CTNNA2: variants seen among roughly 807,000 people sequenced by gnomAD.
The protein encoded by CTNNA2 is catenin alpha 2.
Under a neutral mutation model 101.0 loss-of-function variants are expected in CTNNA2, and 42 were observed. That is an observed-to-expected ratio of 0.42 (90% CI 0.32 to 0.54). CTNNA2 has a LOEUF of 0.54. CTNNA2 is among the 20% of genes least tolerant of loss of function. CTNNA2 has a pLI of 0.14. For missense variants in CTNNA2, 871 were observed against 1,223.1 expected, an observed-to-expected ratio of 0.71 and a Z score of 4.29; for synonymous variants, 450 against 456.4, an observed-to-expected ratio of 0.99 and a Z score of 0.18.
At chr2:80,592,374 G>A (rs986480877) in intron 15 of CTNNA2, among the ~76,000 whole-genome samples, 4 of 152,076 alleles carry the variant, frequency 2.6e-5, no homozygotes, top group Non-Finnish European at 5.9e-5. Context: ...CAAAAGTTTC[G>A]TTAGTTCCTG....
At chr2:79,726,423 G>C (rs1686842569) in intron 2 of CTNNA2, among the ~76,000 whole-genome samples, 1 of 152,138 alleles carries the variant, frequency 6.6e-6, no homozygotes, top group Non-Finnish European at 1.5e-5. Context: ...GTTACCACCT[G>C]AGCTCCGCCT....
chr2:79,501,965 C>CTT (rs59130555), intron 4 of CTNNA2, among the ~76,000 whole-genome samples: 9,305 of 128,654 alleles, frequency 0.072, 424 homozygotes, highest in Non-Finnish European at 0.1. Context: ...GGATATTAGT[C>CTT]TTTTTTTTTT....
chr2:79,421,082 C>T (rs537918047), intron 4 of CTNNA2, among the ~76,000 whole-genome samples: 1 of 152,298 alleles, frequency 6.6e-6, no homozygotes, highest in South Asian at 2.1e-4. Context: ...GCCATCCCTT[C>T]CTTATCCCCT....
chr2:79,783,357 T>A (rs1674598587), intron 3 of CTNNA2, among the ~76,000 whole-genome samples: 1 of 152,192 alleles, frequency 6.6e-6, no homozygotes, highest in African/African-American at 2.4e-5. Flanking sequence ...TATATCTAGT[T>A]AGCAGAAGTG....
At chr2:79,935,101 A>G (rs958657227) in intron 7 of CTNNA2, among the ~76,000 whole-genome samples, 6 of 152,206 alleles carry the variant, frequency 3.9e-5, no homozygotes, top group Admixed American at 3.9e-4. Context: ...ATGAATAATA[A>G]CAACAATGAA....
chr2:79,871,789 A>T (rs72918615), intron 5 of CTNNA2, among the ~76,000 whole-genome samples: 4 of 152,308 alleles, frequency 2.6e-5, no homozygotes, highest in Admixed American at 1.3e-4. Context: ...TGAGATATCC[A>T]CATTGAAACA....
At chr2:79,935,679 C>A (rs1195767116) in intron 7 of CTNNA2, among the ~76,000 whole-genome samples, 7 of 152,146 alleles carry the variant, frequency 4.6e-5, no homozygotes, top group African/African-American at 1.4e-4. Flanking sequence ...GAGATGAATG[C>A]ATAAATCTAA....
intron 4 of CTNNA2, among the ~76,000 whole-genome samples, chr2:79,468,668 T>C (rs962903584): frequency 6.6e-6 from 1 of 152,168 alleles, no homozygotes; most frequent in African/African-American, 2.4e-5. Context: ...ACAGAAATTA[T>C]AACAAACTGT....
At chr2:80,429,980 C>G (rs527335706) in intron 9 of CTNNA2, among the ~76,000 whole-genome samples, 2 of 152,264 alleles carry the variant, frequency 1.3e-5, no homozygotes, top group South Asian at 4.1e-4. Context: ...CATAGGCAAA[C>G]TATAAAGCGT....
chr2:80,580,103 A>G (rs1471598328), intron 13 of CTNNA2, among the ~76,000 whole-genome samples: 3 of 152,226 alleles, frequency 2.0e-5, no homozygotes, highest in Admixed American at 6.5e-5. Context: ...AGAGCAAGCT[A>G]TAACGTCTCA....
intron 7 of CTNNA2, among the ~76,000 whole-genome samples, chr2:79,971,397 G>A (rs564908421): frequency 5.5e-4 from 83 of 151,732 alleles, no homozygotes; most frequent in Non-Finnish European, 1.1e-3. Context: ...TGAATTAATG[G>A]TGTTTTTCTC....
chr2:79,345,824 C>G (rs982398608), intron 3 of CTNNA2, among the ~76,000 whole-genome samples: 2 of 150,272 alleles, frequency 1.3e-5, no homozygotes, highest in Non-Finnish European at 2.9e-5. Context: ...TCCCGCATAG[C>G]TGGTATTACA....
At chr2:79,750,301 A>G (rs1671931778) in intron 3 of CTNNA2, among the ~76,000 whole-genome samples, 4 of 152,164 alleles carry the variant, frequency 2.6e-5, no homozygotes, top group Admixed American at 2.6e-4. Context: ...TCACCTGGGA[A>G]GATCTTGAAA....
intron 4 of CTNNA2, among the ~76,000 whole-genome samples, chr2:79,443,903 ACTCTCTCTCTCTCTCTCTCTCT>A (rs3979544): frequency 0.013 from 1,857 of 141,908 alleles, 53 homozygotes; most frequent in African/African-American, 0.046. Context: ...TTGTATACAT[ACTCTCTCTCTCTCTCTCTCTCT>A]CTCTCTCTCT....
At chr2:80,273,771 C>T (rs1349985798) in intron 7 of CTNNA2, among the ~76,000 whole-genome samples, 5 of 152,028 alleles carry the variant, frequency 3.3e-5, no homozygotes, top group Non-Finnish European at 7.4e-5. Flanking sequence ...TTCAAAGTTC[C>T]GTTCAGATGT....
intron 2 of CTNNA2, 122 bp downstream of exon 2, chr2:79,651,780 A>AAT: frequency 1.3e-6 from 1 of 796,276 alleles, no homozygotes; most frequent in Non-Finnish European, 2.1e-6. Flanking sequence ...CCGATTACTG[A>AAT]ATATATATTA....
At chr2:79,550,908 A>G (rs1674060623) in intron 1 of CTNNA2, among the ~76,000 whole-genome samples, 3 of 152,216 alleles carry the variant, frequency 2.0e-5, no homozygotes, top group Admixed American at 2.0e-4. Context: ...CTATATCTAA[A>G]GACCTTTACA....
At chr2:79,889,367 G>A (rs912232338) in intron 6 of CTNNA2, among the ~76,000 whole-genome samples, 1 of 151,868 alleles carries the variant, frequency 6.6e-6, no homozygotes, top group Non-Finnish European at 1.5e-5. Context: ...TTTTCTGATT[G>A]TATAAATTCA....
chr2:80,638,777 C>T (rs938240521), intron 18 of CTNNA2, among the ~76,000 whole-genome samples: 16 of 152,102 alleles, frequency 1.1e-4, no homozygotes, highest in South Asian at 8.3e-4. Context: ...GTGGACTGGC[C>T]GACTATGAAG....
Sources: allele counts gnomAD v4.1 joint callset (sites outside exome capture counted in the v4.1 genomes callset), GRCh38; gene constraint gnomAD v4.1.1; transcripts MANE v1.5; gene names NCBI Gene and HGNC (gene_info 2026-07-23, HGNC 2026-07-21).